Variants in MSH4 observed in about 807,000 individuals in gnomAD.
The protein encoded by MSH4 is mutS homolog 4.
MSH4 carries 106 observed loss-of-function variants against 113.7 expected under a neutral mutation model. That is an observed-to-expected ratio of 0.93 (90% confidence interval 0.80 to 1.10). MSH4 has a LOEUF of 1.10. Ranked by LOEUF, MSH4 falls within the 50% of genes least tolerant of loss-of-function variation. MSH4 has a pLI of 0.00. For synonymous variants in MSH4, 368 were observed against 380.2 expected, an observed-to-expected ratio of 0.97 and a Z score of 0.37; for missense variants, 1,061 against 1,093.7, an observed-to-expected ratio of 0.97 and a Z score of 0.42.
At chr1:75,889,423 GC>G in intron 16 of MSH4, 54 bp downstream of exon 16, 1 of 739,056 alleles carries the variant, frequency 1.4e-6, no homozygotes, top group South Asian at 1.8e-5. Context: ...CTCACTAATG[GC>G]CAGTTATCAC....
chr1:75,886,491 TATATATG>T (rs1358606173), intron 15 of MSH4, among the ~76,000 whole-genome samples: 1 of 124,800 alleles, frequency 8.0e-6, no homozygotes, highest in African/African-American at 3.1e-5. Flanking sequence ...TATGATGTAT[TATATATG>T]ATGTATTATA....
chr1:75,904,490 G>T (rs1557533016), intron 19 of MSH4, among the ~76,000 whole-genome samples: 1 of 151,190 alleles, frequency 6.6e-6, no homozygotes, highest in South Asian at 2.1e-4. Context: ...AAGTCATCAG[G>T]TACTGGCTTT....
chr1:75,903,143 C>A lies in MSH4; in HGVS notation c.2619+3437C>A, dbSNP rs190544502. Among the ~76,000 whole-genome samples, 5 of 151,824 alleles carry A rather than the reference C, an allele frequency of 3.3e-5. No homozygotes were observed. In the East Asian group the frequency reaches 9.7e-4, roughly 29 times the overall value. On this transcript the variant is annotated intron_variant, in intron 19 of 19. Coordinates refer to ENST00000263187, the MANE Select transcript of MSH4 (RefSeq NM_002440.4). ...CCCACATTAATATCCTAAAGCATTT[C>A]CCAATGTTTTCTTCAAGTAGTTTCA... is the stretch of plus-strand genomic sequence containing the variant.
chr1:75,804,040 A>T (rs1650002066), intron 2 of MSH4, 127 bp downstream of exon 2: 1 of 556,666 alleles, frequency 1.8e-6, no homozygotes, highest in Non-Finnish European at 2.8e-6. Context: ...TAAATACATT[A>T]GTTTACCTCT....
intron 14 of MSH4, 29 bp downstream of exon 14, chr1:75,881,399 T>C: frequency 6.2e-7 from 1 of 1,601,368 alleles, no homozygotes; most frequent in East Asian, 2.2e-5. Flanking sequence ...AATAAACATA[T>C]TGCATAGTTA....
Position 75,876,933 on chromosome 1 carries a change from T to C in MSH4, c.1306-3T>C. 6.7e-7 allele frequency: 1 copy of C among 1,498,924 alleles called. No homozygotes were observed. Among genetic ancestry groups the C allele is most frequent in the Non-Finnish European group, 9.0e-7 (1 of 1,110,960 alleles). The allele number at this position is 1,498,924 out of a possible 1,614,324, so 92.9% of individuals were successfully genotyped here. A position where few individuals can be genotyped will look rare whatever the true frequency, so the allele number is the denominator to read the frequency against. ...TTAACTTTTTTATTTTATTCTTTAA[T>C]AGATTGCTATGAAGAACTGTAACAC... On this transcript the variant is annotated splice_polypyrimidine_tract_variant and splice_region_variant and intron_variant, in intron 9 of 19. Coordinates refer to ENST00000263187, the MANE Select transcript of MSH4 (RefSeq NM_002440.4).
intron 5 of MSH4, among the ~76,000 whole-genome samples, chr1:75,815,619 ATACT>A (rs1650278022): frequency 6.6e-6 from 1 of 152,188 alleles, no homozygotes; most frequent in Non-Finnish European, 1.5e-5. Context: ...TACGAAATAG[ATACT>A]TTCTTTGAGT....
At chr1:75,819,923 C>A (rs372664040) in intron 6 of MSH4, among the ~76,000 whole-genome samples, 38 of 151,970 alleles carry the variant, frequency 2.5e-4, no homozygotes, top group African/African-American at 8.5e-4. Flanking sequence ...ACCATGTTGG[C>A]CAGGCTGGTC....
intron 1 of MSH4, among the ~76,000 whole-genome samples, chr1:75,801,112 A>G (rs1348440198): frequency 6.6e-6 from 1 of 152,250 alleles, no homozygotes; most frequent in Non-Finnish European, 1.5e-5. Flanking sequence ...AGAATTCAAT[A>G]TGTAGAAATA....
rs780072763 is a variant in MSH4 at position 75,803,815 on chromosome 1, G to C, written c.329G>C (p.Arg110Pro). The C allele has an allele frequency of 1.2e-6, 2 of 1,607,142 alleles. No individual in the cohort carries two copies. Among genetic ancestry groups the C allele is most frequent in the Non-Finnish European group, 1.7e-6 (2 of 1,177,128 alleles). Residue 110 changes from arginine to proline, a missense_variant, in exon 2 of 20, where the codon CGA (arginine) becomes CCA (proline). By Grantham distance (103) the Arg-to-Pro change is moderately radical. Coordinates refer to ENST00000263187, the MANE Select transcript of MSH4 (RefSeq NM_002440.4). ...FTFGASSSSA[R>P]DTNYPQTLKT... Reference sequence around the variant, plus strand: ...TTTGGTGCAAGCTCATCTTCTGCACGAGATACTAATTATCCTCAAACACTT... The same window carrying C: ...TTTGGTGCAAGCTCATCTTCTGCACCAGATACTAATTATCCTCAAACACTT...
intron 1 of MSH4, among the ~76,000 whole-genome samples, chr1:75,802,024 C>G (rs1649948440): frequency 6.6e-6 from 1 of 151,502 alleles, no homozygotes; most frequent in East Asian, 2.0e-4. Flanking sequence ...AAAAAATTAG[C>G]CTGGCATGGT....
intron 1 of MSH4, among the ~76,000 whole-genome samples, chr1:75,801,239 A>G (rs548943799): frequency 2.1e-4 from 32 of 152,280 alleles, no homozygotes; most frequent in Non-Finnish European, 4.4e-5. Context: ...GGCCCACAAA[A>G]GCCTAAAATA....
At chr1:75,907,649 T>C (rs1267160113) in intron 19 of MSH4, among the ~76,000 whole-genome samples, 2 of 137,396 alleles carry the variant, frequency 1.5e-5, no homozygotes. Context: ...AGATTTGCTC[T>C]TCCACGGTGT....
intron 6 of MSH4, among the ~76,000 whole-genome samples, chr1:75,817,802 A>C (rs962786971): frequency 6.6e-6 from 1 of 152,166 alleles, no homozygotes; most frequent in Non-Finnish European, 1.5e-5. Context: ...CTCAAAAAAA[A>C]AAAATGTACA....
chr1:75,907,103 A>AGTTT (rs372086872), intron 19 of MSH4, among the ~76,000 whole-genome samples: 9 of 152,028 alleles, frequency 5.9e-5, no homozygotes, highest in African/African-American at 1.9e-4. Context: ...TTAAACTTCA[A>AGTTT]GTTTGTTTGT....
chr1:75,831,039 A>G (rs2100529835), intron 7 of MSH4, among the ~76,000 whole-genome samples: 1 of 152,358 alleles, frequency 6.6e-6, no homozygotes, highest in African/African-American at 2.4e-5. Flanking sequence ...TGTATTCAGG[A>G]GACCCATCTC....
At chr1:75,822,217 A>T (rs1312981960) in intron 6 of MSH4, among the ~76,000 whole-genome samples, 192 bp from the exon 7 acceptor site, 1 of 146,292 alleles carries the variant, frequency 6.8e-6, no homozygotes, top group East Asian at 2.0e-4. Flanking sequence ...TGAACCTTGG[A>T]GGCGGAGCTT....
chr1:75,814,287 T>A (rs1650249259), intron 4 of MSH4, among the ~76,000 whole-genome samples: 1 of 77,360 alleles, frequency 1.3e-5, no homozygotes, highest in South Asian at 6.7e-4. Flanking sequence ...AACTTATCTC[T>A]GCTCAAAAAA....
intron 6 of MSH4, among the ~76,000 whole-genome samples, chr1:75,818,130 A>G (rs1226086967): frequency 6.6e-6 from 1 of 152,118 alleles, no homozygotes; most frequent in Admixed American, 6.6e-5. Flanking sequence ...ACCTTCCTAT[A>G]GTTTATTCTC....
Sources: allele counts gnomAD v4.1 joint callset (sites outside exome capture counted in the v4.1 genomes callset), GRCh38; gene constraint gnomAD v4.1.1; transcripts MANE v1.5; gene names NCBI Gene and HGNC (gene_info 2026-07-23, HGNC 2026-07-21).